NRG1: variants seen among roughly 807,000 people sequenced by gnomAD.
NRG1 encodes the protein pro-neuregulin-1, membrane-bound isoform.
Under a neutral mutation model 63.8 loss-of-function variants are expected in NRG1, and 18 were observed. That is an observed-to-expected ratio of 0.28 (90% CI 0.19 to 0.42). The LOEUF is 0.42. Among genes scored for constraint, NRG1 ranks in the 10% least tolerant of loss-of-function variants. The pLI, the probability that NRG1 is intolerant of heterozygous loss-of-function variation, is 1.00. For synonymous variants in NRG1, 302 were observed against 301.3 expected (o/e 1.00, Z -0.02); for missense variants, 762 against 814.7 (o/e 0.94, Z 0.79).
chr8:31,967,601 G>A (rs2129627839), intron 1 of NRG1, among the ~76,000 whole-genome samples: 1 of 152,288 alleles, frequency 6.6e-6, no homozygotes, highest in African/African-American at 2.4e-5. Flanking sequence ...CATGCAATCA[G>A]GCATCCAAAA....
At position 32,579,780 on chromosome 8, in the gene NRG1, A is replaced by G. The variant is rs1003723914; in HGVS notation, c.101-16048A>G. ...AAACTTTGAGGCTTAAAGCAACATG[A>G]GTTCATGAATTTATTATCTTAGAGT... is the stretch of plus-strand genomic sequence containing the variant. On this transcript the variant is annotated intron_variant, in intron 1 of 11. Transcript: ENST00000356819. Among the ~76,000 whole-genome samples the G allele has an allele frequency of 5.3e-5, 8 of 152,308 alleles. No individual in the cohort carries two copies. In the South Asian group the frequency reaches 8.3e-4, roughly 16 times the overall value.
chr8:32,017,849 T>G (rs572736076), intron 1 of NRG1, among the ~76,000 whole-genome samples: 7 of 152,282 alleles, frequency 4.6e-5, no homozygotes, highest in Admixed American at 1.3e-4. Context: ...TACAGAGGCT[T>G]CATTACGAAA....
chr8:32,566,215 G>A (rs950488762), intron 1 of NRG1, among the ~76,000 whole-genome samples: 12 of 151,890 alleles, frequency 7.9e-5, no homozygotes, highest in Admixed American at 2.6e-4. Flanking sequence ...AAATTAGCCG[G>A]GCCTGGTGGT....
intron 1 of NRG1, among the ~76,000 whole-genome samples, chr8:32,234,499 T>C (rs928386977): frequency 2.0e-5 from 3 of 152,184 alleles, no homozygotes; most frequent in Admixed American, 6.6e-5. Context: ...TTGTCCAATA[T>C]CACAACTTTA....
At chr8:32,528,609 T>C (rs1831128732) in intron 1 of NRG1, among the ~76,000 whole-genome samples, 1 of 152,224 alleles carries the variant, frequency 6.6e-6, no homozygotes, top group Non-Finnish European at 1.5e-5. Context: ...TCTTCTCTTC[T>C]TCCCACATTG....
At chr8:31,923,054 G>A (rs2129619148) in intron 1 of NRG1, among the ~76,000 whole-genome samples, 1 of 152,190 alleles carries the variant, frequency 6.6e-6, no homozygotes, top group Middle Eastern at 3.4e-3. Flanking sequence ...AAGGAAGGGT[G>A]AGATGAGAGG....
intron 1 of NRG1, among the ~76,000 whole-genome samples, chr8:31,799,516 C>T (rs1404063495): frequency 1.3e-5 from 2 of 151,944 alleles, no homozygotes; most frequent in African/African-American, 4.8e-5. Context: ...TCACAGTATC[C>T]ATGATTCCAA....
Position 31,823,909 on chromosome 8 carries a change from G to A in NRG1, c.37+184478G>A, listed in dbSNP as rs555405393. 7.9e-5 allele frequency among the ~76,000 whole-genome samples: 12 copies of A among 152,250 alleles called. 1 individual carries two copies. The highest frequency in any genetic ancestry group is 2.6e-4 in the African/African-American group (11 of 41,556). On this transcript the variant is annotated intron_variant, in intron 1 of 10. Transcript: ENST00000519301. Reference sequence around the variant, plus strand: ...ACAACCTAGAAGAGGCAAAGCTTCTGAATACAACAGCTATCTAACTCCAAA... The same window carrying A: ...ACAACCTAGAAGAGGCAAAGCTTCTAAATACAACAGCTATCTAACTCCAAA...
intron 1 of NRG1, among the ~76,000 whole-genome samples, chr8:31,877,263 A>G (rs1215851593): frequency 6.6e-6 from 1 of 152,144 alleles, no homozygotes; most frequent in Non-Finnish European, 1.5e-5. Flanking sequence ...CACCAGCAAC[A>G]TTTTTATTGA....
chr8:31,830,341 C>A (rs1022091593), intron 1 of NRG1, among the ~76,000 whole-genome samples: 7 of 121,682 alleles, frequency 5.8e-5, no homozygotes, highest in Non-Finnish European at 6.8e-5. Flanking sequence ...TTCCTTCCTT[C>A]CTTCCTTCCT....
At chr8:32,653,636 T>C (rs1420298988) in intron 5 of NRG1, among the ~76,000 whole-genome samples, 1 of 152,200 alleles carries the variant, frequency 6.6e-6, no homozygotes, top group Non-Finnish European at 1.5e-5. Context: ...AGCATGTACA[T>C]AAAGATTCTA....
At chr8:32,749,861 A>T in intron 7 of NRG1, 1 of 482,982 alleles carries the variant, frequency 2.1e-6, no homozygotes, top group South Asian at 2.5e-5. Context: ...ACGCTGCTTA[A>T]CCCACTGATT....
At chr8:32,506,266 A>G (rs1288163394) in intron 1 of NRG1, among the ~76,000 whole-genome samples, 1 of 152,108 alleles carries the variant, frequency 6.6e-6, no homozygotes, top group Non-Finnish European at 1.5e-5. Context: ...AGAAAAAACA[A>G]AACAAAACAA....
rs1585931875 is a variant in NRG1 at position 32,186,440 on chromosome 8, G to A, written c.38-409388G>A. ...GGCGCCACTGCCCTCCAGCCTGGGT[G>A]ACAGAGCGAGACTCCGTCTCAAAAA... On this transcript the variant is annotated intron_variant, in intron 1 of 10. Coordinates refer to the NRG1 transcript ENST00000519301. Among the ~76,000 whole-genome samples the A allele has an allele frequency of 2.2e-5, 3 of 134,690 alleles. No homozygotes were observed. The South Asian group carries it at 6.9e-4, about 31-fold the overall frequency. 88.4% of individuals were successfully genotyped at this position (134,690 alleles called of 152,430 possible).
chr8:32,578,308 A>G (rs1840032445), intron 1 of NRG1, among the ~76,000 whole-genome samples: 1 of 152,156 alleles, frequency 6.6e-6, no homozygotes, highest in African/African-American at 2.4e-5. Context: ...CTTTTTAAAT[A>G]AGATCTTCAT....
At chr8:32,499,035 G>A (rs1419369951) in intron 1 of NRG1, among the ~76,000 whole-genome samples, 1 of 152,164 alleles carries the variant, frequency 6.6e-6, no homozygotes, top group Non-Finnish European at 1.5e-5. Flanking sequence ...GACAAGATTT[G>A]GGTTAGTTCC....
chr8:32,605,533 C>A, intron 2 of NRG1, 29 bp from the exon 3 acceptor site: 1 of 1,611,378 alleles, frequency 6.2e-7, no homozygotes, highest in Non-Finnish European at 8.5e-7. Context: ...GTGATATATA[C>A]TGACACCACT....
chr8:32,632,407 G>A (rs1850495919), intron 5 of NRG1, among the ~76,000 whole-genome samples: 1 of 152,020 alleles, frequency 6.6e-6, no homozygotes, highest in Non-Finnish European at 1.5e-5. Flanking sequence ...AAATTAGCCG[G>A]GCGTGGTGGT....
intron 1 of NRG1, among the ~76,000 whole-genome samples, chr8:32,466,473 A>G (rs1328244744): frequency 1.3e-5 from 2 of 151,852 alleles, no homozygotes; most frequent in Non-Finnish European, 2.9e-5. Flanking sequence ...GATGCTTGTT[A>G]TGTGACAAAA....
Sources: gnomAD v4.1 joint callset for allele counts (sites outside exome capture counted in the v4.1 genomes callset) on GRCh38, gnomAD v4.1.1 for gene constraint, MANE v1.5 for transcripts, NCBI Gene and HGNC (gene_info 2026-07-23, HGNC 2026-07-21) for gene names.